KCNIP4: variants seen among roughly 807,000 people sequenced by gnomAD.
KCNIP4 encodes Kv channel-interacting protein 4.
Under a neutral mutation model 34.0 loss-of-function variants are expected in KCNIP4, and 12 were observed. That is an observed-to-expected ratio of 0.35 (90% CI 0.23 to 0.57). The LOEUF is 0.57. KCNIP4 is among the 20% of genes least tolerant of loss of function. The probability of loss-of-function intolerance (pLI) is 0.83; values close to 1 mark genes in which losing one functional copy is unlikely to be tolerated. For synonymous variants in KCNIP4, 124 were observed against 102.2 expected, an observed-to-expected ratio of 1.21 and a Z score of -1.29; for missense variants, 238 against 311.7, an observed-to-expected ratio of 0.76 and a Z score of 1.78.
intron 1 of KCNIP4, among the ~76,000 whole-genome samples, chr4:21,661,728 C>T (rs1354200768): frequency 1.3e-5 from 2 of 152,136 alleles, no homozygotes; most frequent in Admixed American, 6.6e-5. Flanking sequence ...CACCCTCCAC[C>T]CTCCATCTAG....
intron 1 of KCNIP4, among the ~76,000 whole-genome samples, chr4:21,548,812 T>C (rs1009682810): frequency 1.3e-5 from 2 of 152,028 alleles, no homozygotes; most frequent in African/African-American, 4.8e-5. Flanking sequence ...GGAAACCCTC[T>C]CTCACCTATA....
In KCNIP4 at chr4:20,873,965, A is replaced by C. The variant is rs139848541; in HGVS notation, c.163+8643T>G. Among the ~76,000 whole-genome samples the C allele has an allele frequency of 3.2e-3, 487 of 152,272 alleles. 4 individuals carry two copies. The highest frequency in any genetic ancestry group is 0.011 in the African/African-American group (469 of 41,570). On this transcript the variant is annotated intron_variant, in intron 2 of 8. Coordinates refer to ENST00000382152, the MANE Select transcript of KCNIP4 (RefSeq NM_025221.6). ...ATTCTTCTCCAGAGGGCCCTGCTGA[A>C]ATATTAACTCTTTGTGAAATGCACC...
chr4:21,219,715 G>T (rs1180052979), intron 1 of KCNIP4, among the ~76,000 whole-genome samples: 1 of 152,070 alleles, frequency 6.6e-6, no homozygotes, highest in African/African-American at 2.4e-5. Context: ...CAGCAGGAAG[G>T]TTTCAAGTGG....
intron 1 of KCNIP4, among the ~76,000 whole-genome samples, chr4:21,617,307 C>T (rs1744672325): frequency 6.6e-6 from 1 of 152,074 alleles, no homozygotes; most frequent in Non-Finnish European, 1.5e-5. Context: ...AGTCCCTCTG[C>T]TATGAGAATC....
chr4:20,791,325 G>A (rs934104310), intron 3 of KCNIP4, among the ~76,000 whole-genome samples: 2 of 151,972 alleles, frequency 1.3e-5, no homozygotes, highest in Admixed American at 1.3e-4. Flanking sequence ...GAAAACTGAT[G>A]TCAGTAGAAG....
intron 1 of KCNIP4, among the ~76,000 whole-genome samples, chr4:21,742,024 G>A (rs904855495): frequency 7.2e-5 from 11 of 152,198 alleles, no homozygotes; most frequent in South Asian, 4.1e-4. Context: ...GCAACAGAGC[G>A]AGACTCCATC....
chr4:20,945,844 C>T (rs1732139051), intron 1 of KCNIP4, among the ~76,000 whole-genome samples: 1 of 152,142 alleles, frequency 6.6e-6, no homozygotes, highest in South Asian at 2.1e-4. Context: ...GGGACATGAG[C>T]TCAGGAGGAC....
At chr4:21,911,309 G>A (rs1728295488) in intron 1 of KCNIP4, among the ~76,000 whole-genome samples, 2 of 152,070 alleles carry the variant, frequency 1.3e-5, no homozygotes, top group South Asian at 4.1e-4. Context: ...TGTGCATAAT[G>A]TGGCAGCTAT....
chr4:21,090,470 T>A (rs767506127), intron 1 of KCNIP4, among the ~76,000 whole-genome samples: 6 of 152,166 alleles, frequency 3.9e-5, no homozygotes, highest in Non-Finnish European at 5.9e-5. Context: ...CATAACCACA[T>A]CCTCATAACC....
At chr4:21,927,836 A>G (rs1729348805) in intron 1 of KCNIP4, among the ~76,000 whole-genome samples, 1 of 152,014 alleles carries the variant, frequency 6.6e-6, no homozygotes, top group African/African-American at 2.4e-5. Flanking sequence ...ATGCTCTGAC[A>G]ATTGCTGCAT....
At chr4:21,108,818 A>T (rs1056013307) in intron 1 of KCNIP4, among the ~76,000 whole-genome samples, 1 of 152,138 alleles carries the variant, frequency 6.6e-6, no homozygotes, top group South Asian at 2.1e-4. Flanking sequence ...CTTCTGACAG[A>T]CAGGACCCTC....
chr4:21,535,263 GAC>G (rs1210603183), intron 1 of KCNIP4, among the ~76,000 whole-genome samples: 4 of 152,288 alleles, frequency 2.6e-5, no homozygotes, highest in African/African-American at 7.2e-5. Flanking sequence ...GCTAGAATTG[GAC>G]ACAGTGTTCT....
intron 1 of KCNIP4, among the ~76,000 whole-genome samples, chr4:21,120,104 G>C (rs1348985918): frequency 6.6e-6 from 1 of 152,118 alleles, no homozygotes; most frequent in African/African-American, 2.4e-5. Context: ...GTGGGGGAGG[G>C]TACTTGGCCC....
intron 1 of KCNIP4, among the ~76,000 whole-genome samples, chr4:21,579,398 C>T (rs1308255960): frequency 1.3e-5 from 2 of 152,124 alleles, no homozygotes; most frequent in African/African-American, 4.8e-5. Context: ...TATTTATATC[C>T]TTTGCATATC....
At chr4:21,276,397 T>G (rs1215925201) in intron 1 of KCNIP4, among the ~76,000 whole-genome samples, 1 of 149,958 alleles carries the variant, frequency 6.7e-6, no homozygotes, top group Non-Finnish European at 1.5e-5. Flanking sequence ...ATACAGTGTT[T>G]CACCATGTTG....
chr4:21,820,295 A>G (rs1422813646), intron 1 of KCNIP4, among the ~76,000 whole-genome samples: 23 of 37,692 alleles, frequency 6.1e-4, no homozygotes, highest in African/African-American at 1.3e-3. Flanking sequence ...GTATATATAT[A>G]TATATATATA....
chr4:21,501,718 G>A (rs563657055), intron 1 of KCNIP4, among the ~76,000 whole-genome samples: 20 of 151,484 alleles, frequency 1.3e-4, no homozygotes, highest in South Asian at 1.0e-3. Context: ...GTGTGTGTGC[G>A]TTGGAAGGGG....
chr4:20,810,617 A>T (rs1560482509), intron 3 of KCNIP4, among the ~76,000 whole-genome samples: 1 of 152,180 alleles, frequency 6.6e-6, no homozygotes, highest in Non-Finnish European at 1.5e-5. Flanking sequence ...ATGTGAATGT[A>T]GATATTATAT....
intron 1 of KCNIP4, among the ~76,000 whole-genome samples, chr4:21,187,834 C>T (rs1755354467): frequency 1.3e-5 from 2 of 152,162 alleles, no homozygotes; most frequent in Admixed American, 1.3e-4. Context: ...ACAAAATAAC[C>T]TTCCAGGCTG....
Sources: gnomAD v4.1 joint callset for allele counts (sites outside exome capture counted in the v4.1 genomes callset) on GRCh38, gnomAD v4.1.1 for gene constraint, MANE v1.5 for transcripts, NCBI Gene and HGNC (gene_info 2026-07-23, HGNC 2026-07-21) for gene names.